The following CCDC3 variants were observed in gnomAD, a reference collection of about 807,000 sequenced individuals.
CCDC3 encodes coiled-coil domain containing 3.
In CCDC3, 24 loss-of-function variants were observed where a neutral mutation model predicts 21.4. The ratio of observed to expected loss-of-function variants is 1.12; its 90% CI spans 0.81 to 1.58. CCDC3 has a LOEUF of 1.58. CCDC3 is among the 40% of genes most tolerant of loss of function. The pLI is 0.00. For synonymous variants in CCDC3, 186 were observed against 166.0 expected (o/e 1.12, Z -0.93); for missense variants, 425 against 360.9 (o/e 1.18, Z -1.44).
At chr10:12,907,846 G>A (rs1476599125) in intron 2 of CCDC3, among the ~76,000 whole-genome samples, 1 of 152,096 alleles carries the variant, frequency 6.6e-6, no homozygotes, top group African/African-American at 2.4e-5. Flanking sequence ...CGCAGATGAG[G>A]AAAAATCCAT....
chr10:13,092,583 T>C (rs1190726805), intron 3 of CCDC3, among the ~76,000 whole-genome samples: 1 of 152,230 alleles, frequency 6.6e-6, no homozygotes, highest in Non-Finnish European at 1.5e-5. Context: ...TAAAGCTAAC[T>C]CACATTGGAG....
intron 2 of CCDC3, among the ~76,000 whole-genome samples, chr10:12,986,768 G>A (rs1438304591): frequency 3.3e-5 from 4 of 123,046 alleles, no homozygotes; most frequent in East Asian, 5.2e-4. Context: ...GCGAGACTCC[G>A]TCTCAAAAAA....
chr10:12,960,014 C>T (rs898723039), intron 2 of CCDC3, among the ~76,000 whole-genome samples: 7 of 152,216 alleles, frequency 4.6e-5, no homozygotes, highest in Non-Finnish European at 5.9e-5. Flanking sequence ...ATTAGCCAGG[C>T]GTGGTCGCAC....
chr10:13,091,660 G>T (rs761016806), intron 3 of CCDC3, among the ~76,000 whole-genome samples: 1 of 151,970 alleles, frequency 6.6e-6, no homozygotes, highest in Non-Finnish European at 1.5e-5. Flanking sequence ...ATCTCCTCAG[G>T]TACATCTCAT....
rs573148024 is a variant in CCDC3, at chr10:13,068,368, T to C, written c.-270+5500A>G. Among the ~76,000 whole-genome samples, 4 of 152,164 alleles carry C rather than the reference T, an allele frequency of 2.6e-5. No individual in the cohort carries two copies. In the South Asian group the frequency reaches 8.3e-4, roughly 32 times the overall value. Reference sequence around the variant, plus strand: ...GTATGTGATGTCTATAAAAAAGAGCTCTACTTCATTGACTTAAAAGAGGAT... The same window carrying C: ...GTATGTGATGTCTATAAAAAAGAGCCCTACTTCATTGACTTAAAAGAGGAT... On this transcript the variant is annotated intron_variant, in intron 4 of 6. Transcript: ENST00000378839.
chr10:12,925,461 G>T (rs775525986), intron 2 of CCDC3, among the ~76,000 whole-genome samples: 4 of 152,126 alleles, frequency 2.6e-5, no homozygotes, highest in African/African-American at 9.7e-5. Flanking sequence ...CTCCCCCAGC[G>T]AAGGCAAACT....
intron 2 of CCDC3, among the ~76,000 whole-genome samples, chr10:12,911,580 T>C (rs1834271433): frequency 6.6e-6 from 1 of 152,252 alleles, no homozygotes; most frequent in Non-Finnish European, 1.5e-5. Flanking sequence ...ACAAAATTTA[T>C]ATTGAACATG....
intron 5 of CCDC3, among the ~76,000 whole-genome samples, chr10:13,037,392 ATC>A (rs1326801976): frequency 2.6e-5 from 4 of 152,172 alleles, no homozygotes; most frequent in African/African-American, 9.7e-5. Flanking sequence ...AAAATTAATC[ATC>A]TGACACTTGA....
Position 13,053,750 on chromosome 10 carries a change from G to A in CCDC3, c.-269-3809C>T, listed in dbSNP as rs934390822. Among the ~76,000 whole-genome samples, 7 of 152,272 alleles carry A rather than the reference G, an allele frequency of 4.6e-5. No homozygotes were observed. In the South Asian group the frequency reaches 8.3e-4, roughly 18 times the overall value. On this transcript the variant is annotated intron_variant, in intron 4 of 6. Transcript: ENST00000378839. ...GTACACTGCTCACCCCAAAATGGAC[G>A]AGCTGCCTCGTTTGATCCTGATAAG...
intron 2 of CCDC3, among the ~76,000 whole-genome samples, chr10:12,924,949 T>C (rs1297722583): frequency 1.3e-5 from 2 of 152,190 alleles, no homozygotes; most frequent in Non-Finnish European, 2.9e-5. Context: ...CTTGCAGCTG[T>C]GTAAAGTGAA....
chr10:12,998,779 A>G (rs190895542), intron 1 of CCDC3, among the ~76,000 whole-genome samples: 27 of 152,334 alleles, frequency 1.8e-4, no homozygotes, highest in African/African-American at 4.6e-4. Flanking sequence ...TTGTCTTCCA[A>G]GTCCCCCAAG....
intron 2 of CCDC3, among the ~76,000 whole-genome samples, chr10:12,969,019 G>A (rs747631099): frequency 2.6e-5 from 4 of 152,070 alleles, no homozygotes; most frequent in Non-Finnish European, 5.9e-5. Flanking sequence ...TATCTTGAGT[G>A]TAAACAGATT....
chr10:13,056,512 C>T (rs1046798013), intron 4 of CCDC3, among the ~76,000 whole-genome samples: 5 of 152,212 alleles, frequency 3.3e-5, no homozygotes, highest in Non-Finnish European at 5.9e-5. Flanking sequence ...TGCCTGTTAG[C>T]ACACAGATCA....
intron 3 of CCDC3, among the ~76,000 whole-genome samples, chr10:13,094,287 TG>T (rs1832608121): frequency 6.7e-6 from 1 of 149,312 alleles, no homozygotes; most frequent in African/African-American, 2.5e-5. Context: ...ATGATGATGA[TG>T]ATGATACTCA....
intron 3 of CCDC3, among the ~76,000 whole-genome samples, chr10:13,096,120 TTCCC>T (rs1832626210): frequency 6.6e-6 from 1 of 151,398 alleles, no homozygotes; most frequent in Admixed American, 6.6e-5. Context: ...CCTTCCTTCC[TTCCC>T]TCCTTCCTTT....
chr10:13,023,587 T>C (rs1027808898), intron 5 of CCDC3, among the ~76,000 whole-genome samples: 3 of 152,168 alleles, frequency 2.0e-5, no homozygotes, highest in Non-Finnish European at 4.4e-5. Flanking sequence ...GCTAGTCACG[T>C]GGCCAAGCTG....
At chr10:12,980,157 C>A (rs973510220) in intron 2 of CCDC3, among the ~76,000 whole-genome samples, 1 of 152,184 alleles carries the variant, frequency 6.6e-6, no homozygotes, top group Non-Finnish European at 1.5e-5. Context: ...CCCTCAAGTA[C>A]GTCGGGTGAT....
rs1317747377 is a variant in CCDC3 at position 12,935,849 on chromosome 10, A to AATAACACTACACT, written c.550-37171_550-37170insAGTGTAGTGTTAT. 7.2e-5 allele frequency among the ~76,000 whole-genome samples: 11 copies of AATAACACTACACT among 152,182 alleles called. No homozygotes were observed. The East Asian group carries it at 1.2e-3, about 16-fold the overall frequency. On this transcript the variant is annotated intron_variant, in intron 2 of 2. Coordinates refer to ENST00000378825, the MANE Select transcript of CCDC3 (RefSeq NM_031455.4). ...CCCGGCCAACCCAAGTACACTTTCA[A>AATAACACTACACT]GTAACACTACACTGCTTCACAGGTG...
chr10:13,090,557 A>T (rs1588422598), intron 3 of CCDC3, among the ~76,000 whole-genome samples: 1 of 152,136 alleles, frequency 6.6e-6, no homozygotes, highest in East Asian at 1.9e-4. Context: ...CATTTTTCCA[A>T]ATAGGTGTGG....
Sources: allele counts gnomAD v4.1 joint callset (sites outside exome capture counted in the v4.1 genomes callset), GRCh38; gene constraint gnomAD v4.1.1; transcripts MANE v1.5; gene names NCBI Gene and HGNC (gene_info 2026-07-23, HGNC 2026-07-21).